The following STK33 variants were observed in gnomAD, a reference collection of about 807,000 sequenced individuals.
STK33 encodes the protein serine/threonine-protein kinase 33.
Under a neutral mutation model 58.0 loss-of-function variants are expected in STK33, and 52 were observed. The observed-to-expected ratio is 0.90, with a 90% CI of 0.72 to 1.13. STK33 has a LOEUF of 1.13. STK33 is among the 50% of genes most tolerant of loss of function. The pLI, the probability that STK33 is intolerant of heterozygous loss-of-function variation, is 0.00. For synonymous variants in STK33, 215 were observed against 200.1 expected, an observed-to-expected ratio of 1.07 and a Z score of -0.63; for missense variants, 630 against 604.2, an observed-to-expected ratio of 1.04 and a Z score of -0.45.
At chr11:8,448,859 G>GTTCA (rs1565013342) in intron 11 of STK33, among the ~76,000 whole-genome samples, 1 of 151,836 alleles carries the variant, frequency 6.6e-6, no homozygotes, top group African/African-American at 2.4e-5. Flanking sequence ...CTACGGAATG[G>GTTCA]GAGAAAATTG....
downstream of STK33, chr11:8,391,745 T>C (rs1848634636): frequency 6.6e-6 from 1 of 152,506 alleles, no homozygotes; most frequent in Non-Finnish European, 1.5e-5. Context: ...GGTCCCCTGT[T>C]TCTTGCTTCA....
chr11:8,457,935 G>A (rs1947073896), intron 8 of STK33, among the ~76,000 whole-genome samples: 1 of 152,210 alleles, frequency 6.6e-6, no homozygotes, highest in Non-Finnish European at 1.5e-5. Context: ...ATAACATGGA[G>A]AACTTGGTAG....
intron 1 of STK33, among the ~76,000 whole-genome samples, chr11:8,539,301 C>A (rs1166529598): frequency 6.6e-6 from 1 of 152,174 alleles, no homozygotes; most frequent in African/African-American, 2.4e-5. Flanking sequence ...TCTCTAGGGG[C>A]TTAAAGGCAA....
chr11:8,562,291 T>A (rs2140956016), intron 1 of STK33, among the ~76,000 whole-genome samples: 1 of 152,268 alleles, frequency 6.6e-6, no homozygotes, highest in Admixed American at 6.5e-5. Context: ...CCTCTCCACT[T>A]CACTGCAGGT....
chr11:8,555,852 A>C (rs1956711839), intron 1 of STK33, among the ~76,000 whole-genome samples: 1 of 152,254 alleles, frequency 6.6e-6, no homozygotes, highest in East Asian at 1.9e-4. Flanking sequence ...AAAAATAATA[A>C]GTTTTTTAAA....
At chr11:8,528,839 G>A (rs899022289) in intron 1 of STK33, among the ~76,000 whole-genome samples, 1 of 152,286 alleles carries the variant, frequency 6.6e-6, no homozygotes, top group African/African-American at 2.4e-5. Flanking sequence ...AAACCAAAAT[G>A]TTTGCATATG....
At chr11:8,484,273 A>G (rs1191082596) in intron 1 of STK33, among the ~76,000 whole-genome samples, 1 of 152,164 alleles carries the variant, frequency 6.6e-6, no homozygotes, top group Non-Finnish European at 1.5e-5. Flanking sequence ...TAAAGTCCTG[A>G]TATGTTTTAA....
chr11:8,560,796 A>G (rs1332130357), intron 1 of STK33, among the ~76,000 whole-genome samples: 1 of 152,164 alleles, frequency 6.6e-6, no homozygotes, highest in Non-Finnish European at 1.5e-5. Context: ...GGTTAGTAGT[A>G]TCATTACCTC....
intron 1 of STK33, among the ~76,000 whole-genome samples, chr11:8,560,046 T>C (rs60731471): frequency 1.3e-5 from 2 of 152,256 alleles, no homozygotes; most frequent in South Asian, 2.1e-4. Flanking sequence ...TCCATATCAA[T>C]AGTCAAGTAA....
chr11:8,421,020 T>C (rs1175655798), intron 14 of STK33, among the ~76,000 whole-genome samples: 2 of 151,980 alleles, frequency 1.3e-5, no homozygotes, highest in African/African-American at 4.8e-5. Flanking sequence ...TTTTTTGTTT[T>C]AGTTGTTTTA....
chr11:8,362,509 CAAAG>C, the STK33 span, among the ~76,000 whole-genome samples: 1 of 151,988 alleles, frequency 6.6e-6, no homozygotes, highest in Admixed American at 6.6e-5. Context: ...CAAATGAACT[CAAAG>C]AAAGAGGAAA....
At chr11:8,482,028 A>C (rs1949847409) in intron 1 of STK33, among the ~76,000 whole-genome samples, 1 of 152,226 alleles carries the variant, frequency 6.6e-6, no homozygotes. Context: ...GACCAAAAAG[A>C]TTCATGTGAG....
chr11:8,528,932 C>A (rs1459910638), intron 1 of STK33, among the ~76,000 whole-genome samples: 1 of 152,188 alleles, frequency 6.6e-6, no homozygotes, highest in South Asian at 2.1e-4. Context: ...ATCATTTAAT[C>A]TTTACAATAC....
intron 1 of STK33, among the ~76,000 whole-genome samples, chr11:8,483,822 C>T (rs1207178278): frequency 6.6e-6 from 1 of 152,112 alleles, no homozygotes; most frequent in Non-Finnish European, 1.5e-5. Context: ...GCCAAAATTA[C>T]AAAAAATACC....
At chr11:8,401,448 C>T (rs1937930279) in intron 15 of STK33, among the ~76,000 whole-genome samples, 1 of 152,102 alleles carries the variant, frequency 6.6e-6, no homozygotes, top group Non-Finnish European at 1.5e-5. Flanking sequence ...CCCTTCCTTA[C>T]ACCTCATATA....
At chr11:8,473,433 T>G (rs536547582) in intron 5 of STK33, among the ~76,000 whole-genome samples, 157 bp from the exon 6 acceptor site, 17 of 152,188 alleles carry the variant, frequency 1.1e-4, no homozygotes, top group Non-Finnish European at 2.5e-4. Context: ...CTAAGCCCTA[T>G]GCAATTCATT....
intron 1 of STK33, among the ~76,000 whole-genome samples, chr11:8,503,382 G>A (rs1161076266): frequency 6.6e-6 from 1 of 151,568 alleles, no homozygotes; most frequent in South Asian, 2.1e-4. Flanking sequence ...AACCAAACAC[G>A]GCATGTTCTC....
At chr11:8,387,717 G>C (rs960621124), downstream of STK33, among the ~76,000 whole-genome samples, 3 of 152,158 alleles carry the variant, frequency 2.0e-5, no homozygotes, top group African/African-American at 7.2e-5. Flanking sequence ...TTTGGACCAG[G>C]AAATATCAGC....
At chr11:8,378,770 T>C in the STK33 span, among the ~76,000 whole-genome samples, 1 of 152,038 alleles carries the variant, frequency 6.6e-6, no homozygotes, top group Non-Finnish European at 1.5e-5. Flanking sequence ...CAACATCTTT[T>C]TTCACAGAGT....
Sources: allele counts gnomAD v4.1 joint callset (sites outside exome capture counted in the v4.1 genomes callset), GRCh38; gene constraint gnomAD v4.1.1; transcripts MANE v1.5; gene names NCBI Gene and HGNC (gene_info 2026-07-23, HGNC 2026-07-21).